OR10H5: variants seen among roughly 807,000 people sequenced by gnomAD.
OR10H5 encodes olfactory receptor 10H5.
OR10H5 carries 7 observed loss-of-function variants against 12.2 expected under a neutral mutation model. The ratio of observed to expected loss-of-function variants is 0.57; its 90% CI spans 0.33 to 1.07. The LOEUF is 1.07. OR10H5 is among the 50% of genes least tolerant of loss of function. OR10H5 has a pLI of 0.04. For missense variants in OR10H5, 346 were observed against 411.6 expected (o/e 0.84, Z 1.38); for synonymous variants, 159 against 175.1 (o/e 0.91, Z 0.73).
At position 15,800,138 on chromosome 19, in the gene OR10H5, C is replaced by T. The variant is rs557980276; in HGVS notation, c.*5142C>T. 1 of 152,180 alleles carries T rather than the reference C, an allele frequency of 6.6e-6. No homozygotes were observed. The highest frequency in any genetic ancestry group is 6.6e-5 in the Admixed American group (1 of 15,252). The allele number at this position is 152,180 out of a possible 1,614,324, so 9.4% of individuals were successfully genotyped here. ...CCACACTCGGTCACCACCCCTATTA[C>T]AAGCCCTCATAGCAACTCACTTAGG... On this transcript the variant is annotated 3_prime_UTR_variant, in exon 2 of 2. Coordinates refer to ENST00000642092, the MANE Select transcript of OR10H5 (RefSeq NM_001004466.2).
chr19:15,790,996 G>A (rs1304595478), intron 1 of OR10H5, among the ~76,000 whole-genome samples: 1 of 152,140 alleles, frequency 6.6e-6, no homozygotes, highest in African/African-American at 2.4e-5. Context: ...GATACTAGAG[G>A]CTGGGAAGGG....
chr19:15,788,046 G>T (rs1004522656), intron 1 of OR10H5, among the ~76,000 whole-genome samples: 2 of 152,136 alleles, frequency 1.3e-5, no homozygotes, highest in African/African-American at 4.8e-5. Flanking sequence ...TTGTGGAGGA[G>T]GGTGGTTCTG....
Position 15,794,961 on chromosome 19 carries a change from A to T in OR10H5, c.913A>T (p.Thr305Ser). The T allele has an allele frequency of 6.2e-7, 1 of 1,614,148 alleles. No homozygotes were observed. Among genetic ancestry groups the T allele is most frequent in the East Asian group, 2.2e-5 (1 of 44,874 alleles). ...NKELKVAMKKTCFTKLFPQNC is the reference protein window; with the variant it reads ...NKELKVAMKKSCFTKLFPQNC The stretch of plus-strand genomic sequence containing the variant: ...GGAGCTGAAGGTCGCCATGAAGAAG[A>T]CTTGCTTCACCAAACTCTTTCCACA... Residue 305 changes from threonine to serine, a missense_variant, in exon 2 of 2, where the codon ACT becomes TCT. Transcript: ENST00000642092.
At position 15,799,655 on chromosome 19, in the gene OR10H5, A is replaced by C. The variant is rs551887453; in HGVS notation, c.*4659A>C. 1 of 151,834 alleles carries C rather than the reference A, an allele frequency of 6.6e-6. No individual in the cohort carries two copies. The highest frequency in any genetic ancestry group is 1.5e-5 in the Non-Finnish European group (1 of 68,006). The allele number at this position is 151,834 out of a possible 1,614,324, so 9.4% of individuals were successfully genotyped here. A position where few individuals can be genotyped will look rare whatever the true frequency, so the allele number is the denominator to read the frequency against. On this transcript the variant is annotated 3_prime_UTR_variant, in exon 2 of 2. Transcript: ENST00000642092. ...ATGTTGTCTACAAGGTAAACCTTAAAAGTATGACAAATAGAGGTTACTATA... is the reference window on the plus strand; with the variant it reads ...ATGTTGTCTACAAGGTAAACCTTAACAGTATGACAAATAGAGGTTACTATA...
intron 1 of OR10H5, among the ~76,000 whole-genome samples, chr19:15,790,631 G>C (rs940998804): frequency 9.2e-5 from 14 of 152,176 alleles, no homozygotes; most frequent in African/African-American, 3.1e-4. Context: ...TATAGAGGGG[G>C]AGGGAGTGAG....
rs374154958 is a variant in OR10H5, at chr19:15,794,282, C to T, written c.234C>T (p.Ile78=). ...AGATCCTCTACACCGTGGCCATCAT[C>T]CCGCGCATGCTGGCCGACCTGCTGT... The part of the protein sequence containing the change: ...ITEILYTVAI[I]PRMLADLLST... The change falls in exon 2 of 2, where the codon ATC becomes ATT. Residue 78 remains isoleucine, a synonymous_variant. Transcript: ENST00000642092. The T allele has an allele frequency of 1.2e-6, 2 of 1,614,010 alleles. No homozygotes were observed. Among genetic ancestry groups the T allele is most frequent in the African/African-American group, 2.7e-5 (2 of 74,934 alleles).
At position 15,796,648 on chromosome 19, in the gene OR10H5, C is replaced by CTT. The variant is rs1357017963; in HGVS notation, c.*1652_*1653insTT. On this transcript the variant is annotated 3_prime_UTR_variant, in exon 2 of 2. Coordinates refer to ENST00000642092, the MANE Select transcript of OR10H5 (RefSeq NM_001004466.2). ...GCATGTGCCTGTAGTACCAGCTACT[C>CTT]AAGAGGCTGAGGTGGGAGGATCACT... 6.6e-6 allele frequency: 1 copy of CTT among 152,088 alleles called. No homozygotes were observed. The highest frequency in any genetic ancestry group is 1.5e-5 in the Non-Finnish European group (1 of 68,042). The allele number at this position is 152,088 out of a possible 1,614,324, so 9.4% of individuals were successfully genotyped here.
Position 15,799,640 on chromosome 19 carries a change from C to T in OR10H5, c.*4644C>T, listed in dbSNP as rs1282350375. On this transcript the variant is annotated 3_prime_UTR_variant, in exon 2 of 2. Transcript: ENST00000642092. ...TATGTATATAATTGTATGTTGTCTA[C>T]AAGGTAAACCTTAAAAGTATGACAA... 1 of 150,790 alleles carries T rather than the reference C, an allele frequency of 6.6e-6. No individual in the cohort carries two copies. Among genetic ancestry groups the T allele is most frequent in the African/African-American group, 2.4e-5 (1 of 40,888 alleles). The allele number at this position is 150,790 out of a possible 1,614,324, so 9.3% of individuals were successfully genotyped here.
Position 15,795,101 on chromosome 19 carries a change from T to C in OR10H5, c.*105T>C, listed in dbSNP as rs1449519278. On this transcript the variant is annotated 3_prime_UTR_variant, in exon 2 of 2. Coordinates refer to ENST00000642092, the MANE Select transcript of OR10H5 (RefSeq NM_001004466.2). ...TCCCTCCTTTCCTCCCTCCCTCCCT[T>C]CCTTCCTTCTTTCCTTCCTCCCTCC... 3 of 937,500 alleles carry C rather than the reference T, an allele frequency of 3.2e-6. No homozygotes were observed. Among genetic ancestry groups the C allele is most frequent in the African/African-American group, 1.9e-5 (1 of 52,142 alleles). 58.1% of individuals were successfully genotyped at this position (937,500 alleles called of 1,614,324 possible).
At chr19:15,791,842 G>A (rs1011179923) in intron 1 of OR10H5, among the ~76,000 whole-genome samples, 3 of 151,798 alleles carry the variant, frequency 2.0e-5, no homozygotes, top group African/African-American at 4.8e-5. Context: ...ACAGGCCCCC[G>A]CCACCACGCC....
chr19:15,794,177 G>C lies in OR10H5; in HGVS notation c.129G>C (p.Leu43=), dbSNP rs1430003349. 19 of 1,614,066 alleles carry C rather than the reference G, an allele frequency of 1.2e-5. No homozygotes were observed. Among genetic ancestry groups the C allele is most frequent in the Non-Finnish European group, 1.6e-5 (19 of 1,180,014 alleles). Residue 43 remains leucine (L), a synonymous_variant, in exon 2 of 2, where the codon CTG becomes CTC. Coordinates refer to ENST00000642092, the MANE Select transcript of OR10H5 (RefSeq NM_001004466.2). Reference sequence around the variant, plus strand: ...ACCTGTTCACGCTGCTGGGCAACCTGCTCATCATGGCCACTGTCTGGAGCG... The same window carrying C: ...ACCTGTTCACGCTGCTGGGCAACCTCCTCATCATGGCCACTGTCTGGAGCG... ...LMYLFTLLGN[L]LIMATVWSER...
intron 1 of OR10H5, among the ~76,000 whole-genome samples, chr19:15,793,579 A>C (rs1346399432): frequency 6.6e-6 from 1 of 151,976 alleles, no homozygotes; most frequent in Non-Finnish European, 1.5e-5. Context: ...ACTTCAGCAC[A>C]TTATTATTAA....
At chr19:15,792,933 C>G (rs986786075) in intron 1 of OR10H5, among the ~76,000 whole-genome samples, 1 of 151,426 alleles carries the variant, frequency 6.6e-6, no homozygotes, top group Non-Finnish European at 1.5e-5. Context: ...ACCCACGGTC[C>G]CCTAGCTCTG....
rs67455341 is a variant in OR10H5 at position 15,794,851 on chromosome 19, C to A, written c.803C>A (p.Ser268Tyr). Residue 268 changes from serine to tyrosine, a missense_variant, in exon 2 of 2, where the codon TCT (serine) becomes TAT (tyrosine). Transcript: ENST00000642092. Reference protein sequence around the residue: ...VIYLKPKGPQSPEGDTLMGIT... With the variant: ...VIYLKPKGPQYPEGDTLMGIT... ...TACCTGAAGCCCAAAGGTCCCCAGT[C>A]TCCGGAAGGAGACACCTTGATGGGC... 401,520 of 1,613,840 alleles carry A rather than the reference C, an allele frequency of 0.25. 52,917 individuals carry two copies. The highest frequency in any genetic ancestry group is 0.38 in the African/African-American group (28,640 of 74,880).
At chr19:15,793,962 G>T in intron 1 of OR10H5, 76 bp from the exon 2 acceptor site, 4 of 1,251,644 alleles carry the variant, frequency 3.2e-6, no homozygotes, top group South Asian at 1.4e-5. Flanking sequence ...GCTCTCAGAT[G>T]TCCTCCCAGG....
intron 1 of OR10H5, among the ~76,000 whole-genome samples, chr19:15,793,168 G>T (rs2088816873): frequency 6.6e-6 from 1 of 152,102 alleles, no homozygotes; most frequent in Admixed American, 6.6e-5. Context: ...CACCCAGGCT[G>T]AAGTGCAGTG....
chr19:15,787,987 C>A (rs879637638), intron 1 of OR10H5, among the ~76,000 whole-genome samples: 2 of 152,090 alleles, frequency 1.3e-5, no homozygotes, highest in African/African-American at 4.8e-5. Flanking sequence ...CCACAGCAGT[C>A]GTGGCCACCA....
rs1315911024 is a variant in OR10H5, at chr19:15,798,830, C to T, written c.*3834C>T. ...GGAGTGCAGTGGTGCTATCTCGGCT[C>T]ACTGCAGCCTCTGCCTCCCGGGTTC... On this transcript the variant is annotated 3_prime_UTR_variant, in exon 2 of 2. Coordinates refer to ENST00000642092, the MANE Select transcript of OR10H5 (RefSeq NM_001004466.2). The T allele has an allele frequency of 6.8e-6, 1 of 147,660 alleles. No individual in the cohort carries two copies. Among genetic ancestry groups the T allele is most frequent in the African/African-American group, 2.5e-5 (1 of 39,856 alleles). 9.1% of individuals were successfully genotyped at this position (147,660 alleles called of 1,614,324 possible). A position where few individuals can be genotyped will look rare whatever the true frequency, so the allele number is the denominator to read the frequency against.
Position 15,794,218 on chromosome 19 carries a change from T to A in OR10H5, c.170T>A (p.Met57Lys). The A allele has an allele frequency of 6.2e-7, 1 of 1,614,130 alleles. No individual in the cohort carries two copies. The highest frequency in any genetic ancestry group is 1.1e-5 in the South Asian group (1 of 91,072). ...ATVWSERSLH[M>K]PMYLFLCALS... ...GTCTGGAGCGAGCGCAGCCTCCACA[T>A]GCCCATGTACCTCTTCCTGTGTGCC... is the stretch of plus-strand genomic sequence containing the variant. The change falls in exon 2 of 2, where the codon ATG becomes AAG. Residue 57 changes from methionine (M) to lysine (K), a missense_variant. By Grantham distance (95) the Met-to-Lys change is moderately conservative. Transcript: ENST00000642092.
Sources: gnomAD v4.1 joint callset for allele counts (sites outside exome capture counted in the v4.1 genomes callset) on GRCh38, gnomAD v4.1.1 for gene constraint, MANE v1.5 for transcripts, NCBI Gene and HGNC (gene_info 2026-07-23, HGNC 2026-07-21) for gene names.